Variants in CTDNEP1 observed in about 807,000 individuals in gnomAD.
CTDNEP1 encodes the protein C-terminal domain nuclear envelope phosphatase 1.
Under a neutral mutation model 30.1 loss-of-function variants are expected in CTDNEP1, and 3 were observed. The ratio of observed to expected loss-of-function variants is 0.10; its 90% CI spans 0.05 to 0.26. The LOEUF is 0.26. CTDNEP1 is among the 10% of genes least tolerant of loss of function. CTDNEP1 has a pLI of 1.00. For synonymous variants in CTDNEP1, 123 were observed against 118.8 expected, an observed-to-expected ratio of 1.04 and a Z score of -0.23; for missense variants, 158 against 310.4, an observed-to-expected ratio of 0.51 and a Z score of 3.69.
At chr17:7,250,288 T>G (rs2071896923) in intron 1 of CTDNEP1, among the ~76,000 whole-genome samples, 1 of 152,172 alleles carries the variant, frequency 6.6e-6, no homozygotes, top group Admixed American at 6.5e-5. Flanking sequence ...CTCCCCAGAC[T>G]CCTTCCGAGG....
Position 7,246,231 on chromosome 17 carries a change from C to G in CTDNEP1, c.477+23G>C, listed in dbSNP as rs1458852320. On this transcript the variant is annotated intron_variant, in intron 5 of 7. Coordinates refer to ENST00000574322, the MANE Select transcript of CTDNEP1 (RefSeq NM_001143775.2). The surrounding 1 kb of genome is among the most constrained non-coding windows in gnomAD (Gnocchi z 4.9). ...GGTGGCCTCCCTCCCAAGCCACACTCTTAGACTGGGATTCTAGCTTACCTG... is the reference window on the plus strand; with the variant it reads ...GGTGGCCTCCCTCCCAAGCCACACTGTTAGACTGGGATTCTAGCTTACCTG... 1 of 1,597,654 alleles carries G rather than the reference C, an allele frequency of 6.3e-7. No homozygotes were observed. The highest frequency in any genetic ancestry group is 8.6e-7 in the Non-Finnish European group (1 of 1,165,084).
At chr17:7,251,913 G>A (rs2142999693), upstream of CTDNEP1, 1 of 155,842 alleles carries the variant, frequency 6.4e-6, no homozygotes, top group Non-Finnish European at 1.4e-5. Flanking sequence ...GCTGGGGACC[G>A]GGGCTGCAGC....
In CTDNEP1 at chr17:7,246,033, G is replaced by C. The variant is rs1365141853; in HGVS notation, c.582C>G (p.Ser194Arg). The change falls in exon 6 of 8, where the codon AGC becomes AGG. Residue 194 changes from serine to arginine, a missense_variant. Coordinates refer to ENST00000574322, the MANE Select transcript of CTDNEP1 (RefSeq NM_001143775.2). This position sits in a 1 kb window ranked among gnomAD's most constrained non-coding sequence, Gnocchi z 4.9. The part of the protein sequence containing the change: ...ILDNSPGAYR[S>R]HPDNAIPIKS... ...CACCACCTTCCCCCGTACCTGGATG[G>C]CTCCTGTAAGCCCCTGGGGAGTTAT... The C allele has an allele frequency of 6.2e-7, 1 of 1,610,662 alleles. No individual in the cohort carries two copies. The highest frequency in any genetic ancestry group is 1.7e-5 in the Admixed American group (1 of 59,974).
At chr17:7,249,268 C>A (rs2071882524) in intron 1 of CTDNEP1, among the ~76,000 whole-genome samples, 1 of 152,212 alleles carries the variant, frequency 6.6e-6, no homozygotes, top group South Asian at 2.1e-4. Context: ...CCAAGCCACA[C>A]CAGAACCAGG....
rs1048804366 is a variant in CTDNEP1, at chr17:7,251,489, G to C, written c.-193C>G. The C allele has an allele frequency of 2.4e-5, 10 of 412,618 alleles. No individual in the cohort carries two copies. The highest frequency in any genetic ancestry group is 3.4e-5 in the Non-Finnish European group (8 of 237,030). 25.6% of individuals were successfully genotyped at this position (412,618 alleles called of 1,614,324 possible). A position where few individuals can be genotyped will look rare whatever the true frequency, so the allele number is the denominator to read the frequency against. On this transcript the variant is annotated 5_prime_UTR_variant, in exon 1 of 8. Coordinates refer to ENST00000574322, the MANE Select transcript of CTDNEP1 (RefSeq NM_001143775.2). ...GTAAAGCCCAGCGGAACGGGGAGCTGGGGGACAGGCGTGGGCAGCCCGCGG... is the reference window on the plus strand; with the variant it reads ...GTAAAGCCCAGCGGAACGGGGAGCTCGGGGACAGGCGTGGGCAGCCCGCGG...
chr17:7,250,401 G>A (rs1434161056), intron 1 of CTDNEP1, among the ~76,000 whole-genome samples: 4 of 152,200 alleles, frequency 2.6e-5, no homozygotes, highest in Non-Finnish European at 4.4e-5. Context: ...AGGGGACCCA[G>A]AGATGCTTGG....
chr17:7,244,468 A>G, intron 7 of CTDNEP1, 83 bp downstream of exon 7: 1 of 1,382,752 alleles, frequency 7.2e-7, no homozygotes, highest in Non-Finnish European at 1.0e-6. Flanking sequence ...TTAAAACAGG[A>G]CAAACCTTTT....
At chr17:7,250,310 T>G (rs2071897499) in intron 1 of CTDNEP1, among the ~76,000 whole-genome samples, 1 of 152,196 alleles carries the variant, frequency 6.6e-6, no homozygotes, top group Admixed American at 6.5e-5. Context: ...TTCTCCCTGG[T>G]GGTGGTGAGA....
In CTDNEP1 at chr17:7,247,159, C is replaced by A. The variant is rs781561894; in HGVS notation, c.193G>T (p.Val65Leu). The part of the protein sequence containing the change: ...RLAQVKRKIL[V>L]LDLDETLIHS... ...ATAAGTGTCTCATCCAGATCCAGCACCAGGATCTTCCTCTTCACCTGGGCT... is the reference window on the plus strand; with the variant it reads ...ATAAGTGTCTCATCCAGATCCAGCAACAGGATCTTCCTCTTCACCTGGGCT... Residue 65 changes from valine to leucine, a missense_variant, in exon 3 of 8, where the codon GTG (valine) becomes TTG (leucine). By Grantham distance (32) the Val-to-Leu change is conservative. Coordinates refer to ENST00000574322, the MANE Select transcript of CTDNEP1 (RefSeq NM_001143775.2). 1 of 1,613,796 alleles carries A rather than the reference C, an allele frequency of 6.2e-7. No individual in the cohort carries two copies. The highest frequency in any genetic ancestry group is 1.1e-5 in the South Asian group (1 of 91,078).
chr17:7,251,239 G>A lies in CTDNEP1; in HGVS notation c.58C>T (p.Leu20Phe). 2 of 1,602,872 alleles carry A rather than the reference G, an allele frequency of 1.2e-6. No homozygotes were observed. Among genetic ancestry groups the A allele is most frequent in the Admixed American group, 1.7e-5 (1 of 58,346 alleles). Residue 20 changes from leucine to phenylalanine, a missense_variant, in exon 1 of 8, where the codon CTC (leucine) becomes TTC (phenylalanine). By Grantham distance (22) the Leu-to-Phe change is conservative (BLOSUM62 0). Transcript: ENST00000574322. Reference sequence around the variant, plus strand: ...AGAAGGTAAATGAAGAAGCTCCAGAGCTTGGCGGCGAAGGCCACGAACGTG... The same window carrying A: ...AGAAGGTAAATGAAGAAGCTCCAGAACTTGGCGGCGAAGGCCACGAACGTG... ...LRTFVAFAAKLWSFFIYLLRR... is the reference protein window; with the variant it reads ...LRTFVAFAAKFWSFFIYLLRR...
At chr17:7,248,664 C>A (rs2071876365) in intron 1 of CTDNEP1, among the ~76,000 whole-genome samples, 1 of 152,180 alleles carries the variant, frequency 6.6e-6, no homozygotes, top group Non-Finnish European at 1.5e-5. Flanking sequence ...GCCGAAGCTG[C>A]CCTCTTAACT....
Position 7,251,208 on chromosome 17 carries a change from C to G in CTDNEP1, c.89G>C (p.Arg30Thr). Residue 30 changes from arginine to threonine, a missense_variant, in exon 1 of 8, where the codon AGG (arginine) becomes ACG (threonine). Coordinates refer to ENST00000574322, the MANE Select transcript of CTDNEP1 (RefSeq NM_001143775.2). ...LWSFFIYLLR[R>T]QIRTVIQYQT... ...ACCCTGGCTCACCGTGCGGATCTGC[C>G]TCCGCAGAAGGTAAATGAAGAAGCT... 6.2e-7 allele frequency: 1 copy of G among 1,600,998 alleles called. No homozygotes were observed. The highest frequency in any genetic ancestry group is 8.5e-7 in the Non-Finnish European group (1 of 1,174,778).
chr17:7,251,422 G>A lies in CTDNEP1; in HGVS notation c.-126C>T, dbSNP rs2071923349. 3.7e-6 allele frequency: 2 copies of A among 541,510 alleles called. No individual in the cohort carries two copies. The highest frequency in any genetic ancestry group is 4.5e-5 in the Admixed American group (1 of 22,264). 33.5% of individuals were successfully genotyped at this position (541,510 alleles called of 1,614,324 possible). A position where few individuals can be genotyped will look rare whatever the true frequency, so the allele number is the denominator to read the frequency against. On this transcript the variant is annotated 5_prime_UTR_variant, in exon 1 of 8. Coordinates refer to ENST00000574322, the MANE Select transcript of CTDNEP1 (RefSeq NM_001143775.2). ...CGAGTGGCAGGAGAGGCTGCAGAGA[G>A]GGGCACGGAGCGGGCGGCTCAGAAA...
chr17:7,244,677 A>G, intron 6 of CTDNEP1, 42 bp from the exon 7 acceptor site: 1 of 1,417,642 alleles, frequency 7.1e-7, no homozygotes, highest in South Asian at 1.3e-5. Flanking sequence ...ACAGAATTCA[A>G]GAGAGACGGT....
At chr17:7,249,444 G>A (rs1256706391) in intron 1 of CTDNEP1, among the ~76,000 whole-genome samples, 1 of 152,208 alleles carries the variant, frequency 6.6e-6, no homozygotes, top group Non-Finnish European at 1.5e-5. Flanking sequence ...CCAGAAGCGG[G>A]GTGGGGAAAG....
intron 6 of CTDNEP1, 99 bp downstream of exon 6, chr17:7,245,927 G>A: frequency 1.4e-6 from 1 of 733,494 alleles, no homozygotes; most frequent in East Asian, 2.5e-5. Flanking sequence ...GATAATCTAG[G>A]GAATCCCAGC....
intron 7 of CTDNEP1, 98 bp downstream of exon 7, chr17:7,244,453 C>T: frequency 7.7e-7 from 1 of 1,307,122 alleles, no homozygotes; most frequent in Non-Finnish European, 1.1e-6. Context: ...CTTAAGGGAA[C>T]AGAGTTAAAA....
At position 7,246,709 on chromosome 17, in the gene CTDNEP1, C is replaced by A. The variant is rs2142998559; in HGVS notation, c.360+82G>T. 2 of 1,248,558 alleles carry A rather than the reference C, an allele frequency of 1.6e-6. No homozygotes were observed. The highest frequency in any genetic ancestry group is 2.3e-6 in the Non-Finnish European group (2 of 858,628). 77.3% of individuals were successfully genotyped at this position (1,248,558 alleles called of 1,614,324 possible). ...CTGCTCTAACCCGTTTCTCCTCACC[C>A]CTTCCTCCAAATCCTCCCAATTCCC... On this transcript the variant is annotated intron_variant, in intron 4 of 7. Transcript: ENST00000574322. The surrounding 1 kb of genome is among the most constrained non-coding windows in gnomAD (Gnocchi z 4.9).
At chr17:7,249,405 G>A (rs1007764644) in intron 1 of CTDNEP1, among the ~76,000 whole-genome samples, 2 of 152,160 alleles carry the variant, frequency 1.3e-5, no homozygotes, top group East Asian at 3.8e-4. Flanking sequence ...TGCATATGCT[G>A]GGCATGTAGG....
Sources: allele counts gnomAD v4.1 joint callset (sites outside exome capture counted in the v4.1 genomes callset), GRCh38; gene constraint gnomAD v4.1.1; non-coding constraint Gnocchi (gnomAD v3.1); transcripts MANE v1.5; gene names NCBI Gene and HGNC (gene_info 2026-07-23, HGNC 2026-07-21).